PTPN9: variants seen among roughly 807,000 people sequenced by gnomAD.
PTPN9 encodes tyrosine-protein phosphatase non-receptor type 9.
In PTPN9, 26 loss-of-function variants were observed where a neutral mutation model predicts 69.8. The observed-to-expected ratio is 0.37, with a 90% CI of 0.27 to 0.52. PTPN9 has a LOEUF of 0.52. Among genes scored for constraint, PTPN9 ranks in the 20% least tolerant of loss-of-function variants. The pLI is 0.91. For synonymous variants in PTPN9, 274 were observed against 272.5 expected (o/e 1.01, Z -0.05); for missense variants, 549 against 740.3 (o/e 0.74, Z 3.00).
intron 7 of PTPN9, among the ~76,000 whole-genome samples, chr15:75,504,718 A>T (rs2074806086): frequency 7.4e-6 from 1 of 135,578 alleles, no homozygotes; most frequent in African/African-American, 2.8e-5. Context: ...CCGGGAGGTG[A>T]GGGGCGCCTC....
intron 7 of PTPN9, among the ~76,000 whole-genome samples, chr15:75,504,025 A>G (rs1595955186): frequency 8.7e-6 from 1 of 114,856 alleles, no homozygotes. Flanking sequence ...TCCGGGAGGG[A>G]GGTGGGGGGC....
At chr15:75,491,817 TACCACCAAAAAA>T (rs753707523) in intron 7 of PTPN9, among the ~76,000 whole-genome samples, 4 of 152,092 alleles carry the variant, frequency 2.6e-5, no homozygotes, top group Non-Finnish European at 5.9e-5. Context: ...AAATGGGGTA[TACCACCAAAAAA>T]CTCCAGCTGC....
chr15:75,554,781 C>T (rs373764657), intron 1 of PTPN9, among the ~76,000 whole-genome samples: 3 of 152,322 alleles, frequency 2.0e-5, no homozygotes, highest in South Asian at 4.1e-4. Flanking sequence ...TGCCTGTAAT[C>T]TGGATGTCCT....
chr15:75,572,686 G>A (rs2075153649), intron 1 of PTPN9, among the ~76,000 whole-genome samples: 1 of 151,892 alleles, frequency 6.6e-6, no homozygotes, highest in East Asian at 1.9e-4. Flanking sequence ...CAGCCTGGGC[G>A]ACAGAGCGAG....
At chr15:75,530,625 T>TAG (rs1242713699) in intron 1 of PTPN9, among the ~76,000 whole-genome samples, 1 of 78,806 alleles carries the variant, frequency 1.3e-5, no homozygotes, top group African/African-American at 5.5e-5. Context: ...ATATATATTA[T>TAG]TATATTATAA....
chr15:75,553,848 C>T (rs2075065458), intron 1 of PTPN9, among the ~76,000 whole-genome samples: 1 of 152,094 alleles, frequency 6.6e-6, no homozygotes, highest in African/African-American at 2.4e-5. Context: ...AATCCTGAGT[C>T]TGAGTCACAT....
At chr15:75,537,491 C>T (rs1172252012) in intron 1 of PTPN9, among the ~76,000 whole-genome samples, 5 of 133,570 alleles carry the variant, frequency 3.7e-5, no homozygotes, top group African/African-American at 1.2e-4. Context: ...CGGTGGCTCA[C>T]GCCTGTAATC....
chr15:75,525,949 T>A (rs1453097552), intron 2 of PTPN9, among the ~76,000 whole-genome samples: 2 of 151,602 alleles, frequency 1.3e-5, no homozygotes, highest in East Asian at 3.9e-4. Flanking sequence ...TTCCACAGAA[T>A]CCAGTGCTGC....
chr15:75,480,550 C>T lies in PTPN9; in HGVS notation c.1063-636G>A, dbSNP rs1259923186. 1.2e-4 allele frequency: 62 copies of T among 522,280 alleles called. 3 individuals are homozygous for T. In the South Asian group the frequency reaches 4.2e-3, roughly 35 times the overall value. 32.4% of individuals were successfully genotyped at this position (522,280 alleles called of 1,614,324 possible). A position where few individuals can be genotyped will look rare whatever the true frequency, so the allele number is the denominator to read the frequency against. ...GCTGGGGTCGGTGGCTTAGGGAGCC[C>T]GTCCGGCCATGGTGGCCGCGGGTGG... is the stretch of plus-strand genomic sequence containing the variant. On this transcript the variant is annotated intron_variant, in intron 8 of 12. Transcript: ENST00000618819.
chr15:75,486,049 G>T (rs1194275574), intron 8 of PTPN9, among the ~76,000 whole-genome samples: 1 of 142,468 alleles, frequency 7.0e-6, no homozygotes, highest in Non-Finnish European at 1.5e-5. Flanking sequence ...GCAGTGAGCC[G>T]AGATCGCACC....
At chr15:75,511,456 G>A (rs968785105) in intron 5 of PTPN9, among the ~76,000 whole-genome samples, 1 of 152,132 alleles carries the variant, frequency 6.6e-6, no homozygotes, top group Non-Finnish European at 1.5e-5. Context: ...GTGTTGCCCA[G>A]GCTGGTTTCA....
At chr15:75,494,798 C>G (rs2074730617) in intron 7 of PTPN9, among the ~76,000 whole-genome samples, 1 of 151,912 alleles carries the variant, frequency 6.6e-6, no homozygotes, top group Non-Finnish European at 1.5e-5. Flanking sequence ...CCAAGGAGGG[C>G]AGATCTCCTG....
intron 7 of PTPN9, among the ~76,000 whole-genome samples, chr15:75,505,366 T>TC (rs2141310676): frequency 6.7e-6 from 1 of 148,810 alleles, no homozygotes; most frequent in African/African-American, 2.5e-5. Context: ...AGACCTTTGT[T>TC]CACTTGTTTA....
At chr15:75,480,780 C>G (rs1314833462) in intron 8 of PTPN9, 4 of 1,098,510 alleles carry the variant, frequency 3.6e-6, no homozygotes, top group Admixed American at 4.7e-5. Flanking sequence ...GAGCGCCGCC[C>G]GCGAGGCAGC....
At chr15:75,500,164 T>C (rs1192495417) in intron 7 of PTPN9, among the ~76,000 whole-genome samples, 1 of 151,884 alleles carries the variant, frequency 6.6e-6, no homozygotes, top group Non-Finnish European at 1.5e-5. Context: ...AAATACAAAA[T>C]TAACCGGGTG....
chr15:75,569,695 A>AG, intron 1 of PTPN9, among the ~76,000 whole-genome samples: 1 of 151,906 alleles, frequency 6.6e-6, no homozygotes, highest in South Asian at 2.1e-4. Context: ...AAAAAAAAAA[A>AG]AAAAAAACAG....
At chr15:75,558,326 CA>C (rs202091435) in intron 1 of PTPN9, among the ~76,000 whole-genome samples, 11 of 141,710 alleles carry the variant, frequency 7.8e-5, no homozygotes, top group East Asian at 4.1e-4. Flanking sequence ...GACTCCATCT[CA>C]AAAAAAAAAG....
chr15:75,469,536 T>C (rs972228961), intron 12 of PTPN9, among the ~76,000 whole-genome samples: 2 of 152,338 alleles, frequency 1.3e-5, no homozygotes, highest in Middle Eastern at 3.4e-3. Flanking sequence ...GTGACAGTTC[T>C]AACAGGTGAC....
chr15:75,576,318 G>A (rs1184508297), intron 1 of PTPN9, among the ~76,000 whole-genome samples: 2 of 151,880 alleles, frequency 1.3e-5, no homozygotes, highest in East Asian at 3.9e-4. Context: ...GATCACCTGA[G>A]GCCAGGAGTA....
Sources: gnomAD v4.1 joint callset for allele counts (sites outside exome capture counted in the v4.1 genomes callset) on GRCh38, gnomAD v4.1.1 for gene constraint, MANE v1.5 for transcripts, NCBI Gene and HGNC (gene_info 2026-07-23, HGNC 2026-07-21) for gene names.